DPP6: variants seen among roughly 807,000 people sequenced by gnomAD.
DPP6 encodes the protein A-type potassium channel modulatory protein DPP6.
A neutral mutation model predicts 122.6 loss-of-function variants in DPP6; 69 were observed. The ratio of observed to expected loss-of-function variants is 0.56; its 90% CI spans 0.46 to 0.69. The LOEUF (loss-of-function observed/expected upper bound fraction) is 0.69, where lower values mean the gene tolerates loss of function less well. Among genes scored for constraint, DPP6 ranks in the 30% least tolerant of loss-of-function variants. The pLI, the probability that DPP6 is intolerant of heterozygous loss-of-function variation, is 0.00. For synonymous variants in DPP6, 418 were observed against 433.1 expected (o/e 0.97, Z 0.43); for missense variants, 928 against 1,116.9 (o/e 0.83, Z 2.41).
intron 3 of DPP6, 40 bp downstream of exon 3, chr7:154,475,077 A>G (rs1267752279): frequency 1.4e-6 from 2 of 1,462,372 alleles, no homozygotes; most frequent in South Asian, 1.1e-5. Flanking sequence ...TCGCTTCCCC[A>G]TGCCTCACCC....
chr7:154,399,855 T>C (rs552635518), intron 1 of DPP6, among the ~76,000 whole-genome samples: 12 of 152,304 alleles, frequency 7.9e-5, no homozygotes, highest in South Asian at 4.1e-4. Context: ...GGGTGCTTCA[T>C]GGAAGAGACT....
intron 1 of DPP6, among the ~76,000 whole-genome samples, chr7:154,381,073 G>A (rs1813559069): frequency 6.6e-6 from 1 of 152,174 alleles, no homozygotes; most frequent in Non-Finnish European, 1.5e-5. Flanking sequence ...CTGCCATGAG[G>A]GGGATCCTGG....
chr7:153,830,066 G>A, the DPP6 span, among the ~76,000 whole-genome samples: 1 of 152,190 alleles, frequency 6.6e-6, no homozygotes, highest in Admixed American at 6.5e-5. Context: ...ATAGGAGACT[G>A]AAACAGAACA....
intron 16 of DPP6, among the ~76,000 whole-genome samples, chr7:154,831,753 C>T (rs1469577936): frequency 2.6e-5 from 4 of 152,170 alleles, no homozygotes; most frequent in African/African-American, 7.2e-5. Context: ...TCATATACCA[C>T]GGGGTTTCTT....
the DPP6 span, among the ~76,000 whole-genome samples, chr7:153,852,870 T>A: frequency 6.6e-6 from 1 of 152,122 alleles, no homozygotes; most frequent in East Asian, 1.9e-4. Context: ...CCAAAATGCA[T>A]CTCGACTGTG....
chr7:154,527,805 TA>T (rs1827524869), intron 3 of DPP6, among the ~76,000 whole-genome samples: 1 of 152,164 alleles, frequency 6.6e-6, no homozygotes, highest in Non-Finnish European at 1.5e-5. Context: ...TAAGATGCCA[TA>T]ACATTATTTA....
At chr7:153,967,113 C>G (rs1795786641) in intron 1 of DPP6, among the ~76,000 whole-genome samples, 1 of 151,870 alleles carries the variant, frequency 6.6e-6, no homozygotes, top group Admixed American at 6.6e-5. Context: ...ATCTCTAGGT[C>G]AGAAGCAGAT....
chr7:154,737,452 T>C (rs1430019949), intron 8 of DPP6, among the ~76,000 whole-genome samples: 2 of 152,234 alleles, frequency 1.3e-5, no homozygotes, highest in Non-Finnish European at 2.9e-5. Context: ...GTTGATATGC[T>C]GTATTTTTTA....
chr7:154,434,225 C>T (rs1818676228), intron 1 of DPP6, among the ~76,000 whole-genome samples: 1 of 152,200 alleles, frequency 6.6e-6, no homozygotes, highest in Admixed American at 6.5e-5. Flanking sequence ...ACTTAAAGTG[C>T]AGACTATGTT....
At chr7:154,887,566 A>T (rs946076606) in intron 22 of DPP6, 110 bp from the exon 23 acceptor site, 1 of 1,042,802 alleles carries the variant, frequency 9.6e-7, no homozygotes, top group Non-Finnish European at 1.5e-6. Context: ...AGTGGGAATG[A>T]GCCTGAGTCC....
intron 1 of DPP6, among the ~76,000 whole-genome samples, chr7:153,978,551 C>G (rs2129036776): frequency 6.6e-6 from 1 of 152,100 alleles, no homozygotes; most frequent in African/African-American, 2.4e-5. Flanking sequence ...TGCAGAAGCT[C>G]TTTAATTAGA....
chr7:154,432,242 A>C (rs1441642097), intron 1 of DPP6, among the ~76,000 whole-genome samples: 1 of 152,222 alleles, frequency 6.6e-6, no homozygotes, highest in African/African-American at 2.4e-5. Context: ...CTGTTTTCTA[A>C]TACATGTTAT....
At chr7:154,372,409 C>CCAT (rs1442789189) in intron 1 of DPP6, among the ~76,000 whole-genome samples, 2 of 152,184 alleles carry the variant, frequency 1.3e-5, no homozygotes, top group African/African-American at 4.8e-5. Context: ...CCCTGCCCCA[C>CCAT]CATGAGTCGC....
At chr7:154,871,021 G>C (rs1804341218) in intron 18 of DPP6, among the ~76,000 whole-genome samples, 2 of 148,866 alleles carry the variant, frequency 1.3e-5, no homozygotes, top group Non-Finnish European at 1.5e-5. Flanking sequence ...AGAAACCATT[G>C]CCCCGGCATG....
intron 1 of DPP6, among the ~76,000 whole-genome samples, chr7:154,401,620 G>A (rs991854260): frequency 5.3e-5 from 8 of 152,108 alleles, no homozygotes; most frequent in Admixed American, 1.3e-4. Context: ...AGACTTAAAC[G>A]TTAAACCTAA....
intron 7 of DPP6, among the ~76,000 whole-genome samples, chr7:154,718,415 T>C (rs1336247170): frequency 6.6e-6 from 1 of 152,122 alleles, no homozygotes; most frequent in African/African-American, 2.4e-5. Context: ...CCATTTTGAG[T>C]TGATTTTTTT....
rs533584421 is a variant in DPP6, at chr7:154,221,657, T to A, written c.243+168594T>A. Among the ~76,000 whole-genome samples the A allele has an allele frequency of 3.3e-5, 5 of 152,330 alleles. No individual in the cohort carries two copies. In the South Asian group the frequency reaches 1.0e-3, roughly 32 times the overall value. On this transcript the variant is annotated intron_variant, in intron 1 of 25. Coordinates refer to ENST00000377770, the MANE Select transcript of DPP6 (RefSeq NM_130797.4). ...ATAAATCACAGGAAGGTGGCTTAAC[T>A]ATTGAAAATTTTATTAAAATGGTTA... is the stretch of plus-strand genomic sequence containing the variant.
chr7:154,855,506 C>T (rs572603433), intron 17 of DPP6, among the ~76,000 whole-genome samples: 4 of 152,328 alleles, frequency 2.6e-5, no homozygotes, highest in East Asian at 1.9e-4. Context: ...GCCTCACCTG[C>T]GAGGTTTGGG....
At chr7:154,177,001 CTT>C (rs1364315888) in intron 1 of DPP6, among the ~76,000 whole-genome samples, 1 of 151,996 alleles carries the variant, frequency 6.6e-6, no homozygotes, top group African/African-American at 2.4e-5. Context: ...ACCTGGCTAA[CTT>C]TTGTATTTTT....
Sources: allele counts gnomAD v4.1 joint callset (sites outside exome capture counted in the v4.1 genomes callset), GRCh38; gene constraint gnomAD v4.1.1; transcripts MANE v1.5; gene names NCBI Gene and HGNC (gene_info 2026-07-23, HGNC 2026-07-21).